The following DCC variants were observed in gnomAD, a reference collection of about 807,000 sequenced individuals.
DCC encodes the protein DCC netrin 1 receptor, also known as netrin receptor DCC.
Under a neutral mutation model 172.5 loss-of-function variants are expected in DCC, and 58 were observed. The observed-to-expected ratio is 0.34, with a 90% CI of 0.27 to 0.42. The LOEUF is 0.42. Among genes scored for constraint, DCC ranks in the 10% least tolerant of loss-of-function variants. The pLI is 1.00. For synonymous variants in DCC, 709 were observed against 644.5 expected (o/e 1.10, Z -1.52); for missense variants, 1,740 against 1,791.0 (o/e 0.97, Z 0.51).
At chr18:53,262,260 T>C (rs1430687941) in intron 12 of DCC, among the ~76,000 whole-genome samples, 2 of 152,204 alleles carry the variant, frequency 1.3e-5, no homozygotes, top group Non-Finnish European at 2.9e-5. Flanking sequence ...GTGAATGTAT[T>C]ATACCCATTT....
chr18:53,145,845 T>G (rs1280286166), intron 7 of DCC, among the ~76,000 whole-genome samples: 1 of 152,174 alleles, frequency 6.6e-6, no homozygotes, highest in Non-Finnish European at 1.5e-5. Flanking sequence ...AGAGCCTTAG[T>G]AGTGATTTTA....
At chr18:52,453,065 A>C (rs147511973) in intron 1 of DCC, among the ~76,000 whole-genome samples, 26 of 152,356 alleles carry the variant, frequency 1.7e-4, no homozygotes, top group African/African-American at 5.8e-4. Context: ...GTACATAGGC[A>C]CAGGCCACCC....
At chr18:52,824,596 C>CT (rs1317280626) in intron 2 of DCC, among the ~76,000 whole-genome samples, 1 of 151,988 alleles carries the variant, frequency 6.6e-6, no homozygotes, top group Non-Finnish European at 1.5e-5. Flanking sequence ...GGAAGAAAAA[C>CT]TAGAAGGTTA....
At chr18:53,011,281 A>G (rs1438374911) in intron 5 of DCC, among the ~76,000 whole-genome samples, 1 of 151,732 alleles carries the variant, frequency 6.6e-6, no homozygotes, top group Non-Finnish European at 1.5e-5. Flanking sequence ...TTCTATTTGG[A>G]AAAATAATCC....
chr18:52,564,261 G>A (rs1175118051), intron 1 of DCC, among the ~76,000 whole-genome samples: 1 of 152,060 alleles, frequency 6.6e-6, no homozygotes, highest in Non-Finnish European at 1.5e-5. Flanking sequence ...ACATACATGT[G>A]CATATTATTT....
At chr18:52,579,591 T>C (rs974526471) in intron 1 of DCC, among the ~76,000 whole-genome samples, 1 of 152,200 alleles carries the variant, frequency 6.6e-6, no homozygotes, top group Non-Finnish European at 1.5e-5. Flanking sequence ...TGGATTAGGC[T>C]GAACAGATAA....
At chr18:52,513,931 G>A (rs2031533913) in intron 1 of DCC, among the ~76,000 whole-genome samples, 1 of 152,078 alleles carries the variant, frequency 6.6e-6, no homozygotes, top group Non-Finnish European at 1.5e-5. Context: ...ATTTTTCCCA[G>A]TATTTCACCT....
chr18:53,495,414 A>G (rs369630063), intron 26 of DCC, among the ~76,000 whole-genome samples: 65 of 151,896 alleles, frequency 4.3e-4, no homozygotes, highest in African/African-American at 1.5e-3. Flanking sequence ...AAAGAAAGAA[A>G]GAAAATTCTT....
At chr18:52,666,076 C>T (rs1400771983) in intron 1 of DCC, among the ~76,000 whole-genome samples, 2 of 152,118 alleles carry the variant, frequency 1.3e-5, no homozygotes, top group African/African-American at 2.4e-5. Context: ...ATCACCAGGT[C>T]AGGAGTTCAA....
intron 2 of DCC, among the ~76,000 whole-genome samples, chr18:52,824,967 C>CATATATATATATATATATATAT (rs148347043): frequency 1.1e-3 from 156 of 148,322 alleles, no homozygotes; most frequent in South Asian, 3.6e-3. Context: ...GAGACTCCCT[C>CATATATATATATATATATATAT]ATATATATAT....
chr18:52,706,402 A>T (rs191616881), intron 1 of DCC, among the ~76,000 whole-genome samples: 8 of 152,292 alleles, frequency 5.3e-5, no homozygotes, highest in African/African-American at 1.9e-4. Flanking sequence ...GGCATGATGG[A>T]AATATTTTGG....
chr18:52,780,157 GAC>G (rs2037510094), intron 2 of DCC, among the ~76,000 whole-genome samples: 1 of 151,956 alleles, frequency 6.6e-6, no homozygotes, highest in South Asian at 2.1e-4. Flanking sequence ...ATTTTTGCCT[GAC>G]TCTTTACATA....
At chr18:53,056,608 G>A (rs2042407735) in intron 5 of DCC, among the ~76,000 whole-genome samples, 1 of 152,106 alleles carries the variant, frequency 6.6e-6, no homozygotes, top group South Asian at 2.1e-4. Context: ...GACATTTGGT[G>A]TGATTAGTCT....
At chr18:52,498,920 C>A (rs1026681141) in intron 1 of DCC, among the ~76,000 whole-genome samples, 1 of 152,102 alleles carries the variant, frequency 6.6e-6, no homozygotes, top group Non-Finnish European at 1.5e-5. Flanking sequence ...TCTCCTGTTA[C>A]CTTGAGAATT....
chr18:52,523,168 T>C (rs2031872141), intron 1 of DCC, among the ~76,000 whole-genome samples: 2 of 152,188 alleles, frequency 1.3e-5, no homozygotes, highest in Non-Finnish European at 2.9e-5. Flanking sequence ...GGCCTTAGTT[T>C]CTCACTTGCA....
At chr18:53,087,947 G>A (rs372648165) in intron 7 of DCC, among the ~76,000 whole-genome samples, 1 of 152,006 alleles carries the variant, frequency 6.6e-6, no homozygotes, top group Admixed American at 6.6e-5. Context: ...CCTCTGTTCT[G>A]TTCCATTGAT....
intron 8 of DCC, among the ~76,000 whole-genome samples, chr18:53,178,554 G>A (rs898587363): frequency 1.3e-5 from 2 of 152,124 alleles, no homozygotes; most frequent in South Asian, 2.1e-4. Context: ...GACAAAGACC[G>A]ATTTGTGGAA....
intron 22 of DCC, among the ~76,000 whole-genome samples, chr18:53,444,434 G>A (rs546274517): frequency 3.3e-5 from 5 of 152,272 alleles, no homozygotes; most frequent in South Asian, 4.1e-4. Context: ...AGGATGCGGA[G>A]ATTGCAATGA....
intron 2 of DCC, among the ~76,000 whole-genome samples, chr18:52,794,000 A>G (rs1365321604): frequency 6.6e-6 from 1 of 151,892 alleles, no homozygotes; most frequent in Non-Finnish European, 1.5e-5. Flanking sequence ...TGGGTTTTAT[A>G]TTGTGCCATT....
Sources: gnomAD v4.1 joint callset for allele counts (sites outside exome capture counted in the v4.1 genomes callset) on GRCh38, gnomAD v4.1.1 for gene constraint, MANE v1.5 for transcripts, NCBI Gene and HGNC (gene_info 2026-07-23, HGNC 2026-07-21) for gene names.